Variants in DLGAP2 observed in about 807,000 individuals in gnomAD.
The protein encoded by DLGAP2 is disks large-associated protein 2.
A neutral mutation model predicts 100.3 loss-of-function variants in DLGAP2; 26 were observed. That is an observed-to-expected ratio of 0.26 (90% CI 0.19 to 0.36). DLGAP2 has a LOEUF of 0.36. Ranked by LOEUF, DLGAP2 falls within the 10% of genes least tolerant of loss-of-function variation. The probability of loss-of-function intolerance (pLI) is 1.00; values close to 1 mark genes in which losing one functional copy is unlikely to be tolerated. For synonymous variants in DLGAP2, 886 were observed against 630.1 expected (o/e 1.41, Z -6.08); for missense variants, 1,858 against 1,453.2 (o/e 1.28, Z -4.53).
intron 8 of DLGAP2, among the ~76,000 whole-genome samples, chr8:1,654,661 CAA>C (rs763257486): frequency 2.3e-4 from 21 of 92,652 alleles, no homozygotes; most frequent in African/African-American, 1.8e-4. Flanking sequence ...AACTCCGTCT[CAA>C]AAAAAAAAAA....
Position 1,467,039 on chromosome 8 carries a change from T to G in DLGAP2, c.107-34327T>G, listed in dbSNP as rs370057274. ...TGGGGGGGATGTGGGCAGATGGGAT[T>G]TTGCCGGGTGATAAAGAAGACGGAT... On this transcript the variant is annotated intron_variant, in intron 3 of 14. Transcript: ENST00000637795. Among the ~76,000 whole-genome samples, 104 of 152,196 alleles carry G rather than the reference T, an allele frequency of 6.8e-4. 1 individual carries two copies. The highest frequency in any genetic ancestry group is 2.3e-3 in the African/African-American group (97 of 41,546).
chr8:1,336,402 C>T (rs1372315942), intron 3 of DLGAP2, among the ~76,000 whole-genome samples: 2 of 152,090 alleles, frequency 1.3e-5, no homozygotes, highest in African/African-American at 2.4e-5. Context: ...AGGAAAGGCA[C>T]CGTGCATCCA....
intron 2 of DLGAP2, among the ~76,000 whole-genome samples, chr8:1,152,211 G>A (rs939765386): frequency 7.9e-5 from 12 of 151,992 alleles, no homozygotes; most frequent in Non-Finnish European, 1.6e-4. Flanking sequence ...TGTTTCCTTC[G>A]AATTCTTTAT....
chr8:1,486,861 G>C (rs1360580693), intron 3 of DLGAP2, among the ~76,000 whole-genome samples: 1 of 152,204 alleles, frequency 6.6e-6, no homozygotes. Context: ...AGCACCAACA[G>C]ATGGGAAAAC....
chr8:1,346,816 C>A (rs1454983402), intron 3 of DLGAP2, among the ~76,000 whole-genome samples: 72 of 82,676 alleles, frequency 8.7e-4, no homozygotes, highest in East Asian at 2.0e-3. Flanking sequence ...GTGGAGGTTG[C>A]GTTCCCATAC....
intron 2 of DLGAP2, among the ~76,000 whole-genome samples, chr8:1,189,757 C>T (rs373224300): frequency 6.6e-6 from 1 of 152,112 alleles, no homozygotes; most frequent in Non-Finnish European, 1.5e-5. Context: ...GTTCAGGACA[C>T]GGCAGATACA....
intron 4 of DLGAP2, among the ~76,000 whole-genome samples, chr8:1,525,715 C>G (rs528264262): frequency 7.2e-5 from 11 of 152,252 alleles, no homozygotes; most frequent in Non-Finnish European, 1.6e-4. Context: ...CACTCCCAGC[C>G]TCTTAGCAAA....
chr8:1,093,658 C>A (rs1210922693), intron 2 of DLGAP2, among the ~76,000 whole-genome samples: 2 of 152,078 alleles, frequency 1.3e-5, no homozygotes, highest in African/African-American at 2.4e-5. Context: ...AATAGCCAGA[C>A]AGAAACACCT....
At chr8:1,326,287 T>C (rs13262085) in intron 3 of DLGAP2, among the ~76,000 whole-genome samples, 23,324 of 152,256 alleles carry the variant, frequency 0.15, 2,068 homozygotes, top group Admixed American at 0.19. Context: ...ACAATCTGTA[T>C]TTCACTATTG....
intron 2 of DLGAP2, among the ~76,000 whole-genome samples, chr8:983,620 G>A (rs746347072): frequency 6.6e-6 from 1 of 152,172 alleles, no homozygotes; most frequent in Non-Finnish European, 1.5e-5. Flanking sequence ...ATAAAAAGAG[G>A]TAGCATTTAT....
intron 2 of DLGAP2, among the ~76,000 whole-genome samples, chr8:1,253,458 C>T (rs1799095960): frequency 6.6e-6 from 1 of 152,246 alleles, no homozygotes; most frequent in East Asian, 1.9e-4. Flanking sequence ...CTCAAAGCTG[C>T]CTCTCCAAAA....
chr8:776,186 T>A (rs371162168), intron 1 of DLGAP2, among the ~76,000 whole-genome samples: 3 of 151,038 alleles, frequency 2.0e-5, no homozygotes, highest in African/African-American at 4.8e-5. Context: ...TCTGTGGGAT[T>A]GGTGGTGATA....
chr8:865,984 T>C (rs556144796), intron 1 of DLGAP2, among the ~76,000 whole-genome samples: 1 of 152,300 alleles, frequency 6.6e-6, no homozygotes, highest in African/African-American at 2.4e-5. Flanking sequence ...CTTAGTTGGG[T>C]ATGGTATTCT....
At chr8:937,995 A>G (rs752171409) in intron 2 of DLGAP2, among the ~76,000 whole-genome samples, 19 of 152,180 alleles carry the variant, frequency 1.2e-4, no homozygotes, top group South Asian at 4.1e-4. Flanking sequence ...TTACTCTCAT[A>G]TCAGGACCCT....
At chr8:1,522,587 C>G (rs904411332) in intron 4 of DLGAP2, among the ~76,000 whole-genome samples, 1 of 152,206 alleles carries the variant, frequency 6.6e-6, no homozygotes, top group Non-Finnish European at 1.5e-5. Context: ...TGAAGCAGGA[C>G]GCACAGGTTT....
intron 1 of DLGAP2, among the ~76,000 whole-genome samples, chr8:742,562 G>A (rs1352069351): frequency 1.3e-5 from 2 of 152,222 alleles, no homozygotes; most frequent in Admixed American, 6.5e-5. Context: ...AGGCGGGAGT[G>A]CACTGGCATG....
At chr8:1,497,893 T>C (rs1006282885) in intron 3 of DLGAP2, among the ~76,000 whole-genome samples, 8 of 152,196 alleles carry the variant, frequency 5.3e-5, no homozygotes, top group Non-Finnish European at 1.0e-4. Flanking sequence ...AGGGGTTTAT[T>C]CTGAGCCAAA....
At chr8:1,170,453 C>G (rs367821731) in intron 2 of DLGAP2, among the ~76,000 whole-genome samples, 6 of 152,116 alleles carry the variant, frequency 3.9e-5, no homozygotes, top group African/African-American at 9.7e-5. Flanking sequence ...GTTTCAGAAG[C>G]AATGGTACCA....
intron 1 of DLGAP2, among the ~76,000 whole-genome samples, chr8:857,759 C>T (rs1046643962): frequency 3.3e-5 from 5 of 152,198 alleles, no homozygotes; most frequent in Admixed American, 2.0e-4. Flanking sequence ...ACACTGAAGA[C>T]CGCTAGGTGG....
Sources: allele counts gnomAD v4.1 joint callset (sites outside exome capture counted in the v4.1 genomes callset), GRCh38; gene constraint gnomAD v4.1.1; transcripts MANE v1.5; gene names NCBI Gene and HGNC (gene_info 2026-07-23, HGNC 2026-07-21).